Variants in VAV3 observed in about 807,000 individuals in gnomAD.
The protein encoded by VAV3 is vav guanine nucleotide exchange factor 3.
VAV3 carries 94 observed loss-of-function variants against 131.2 expected under a neutral mutation model. The ratio of observed to expected loss-of-function variants is 0.72; its 90% CI spans 0.61 to 0.85. The LOEUF (loss-of-function observed/expected upper bound fraction) is 0.85, where lower values mean the gene tolerates loss of function less well. VAV3 is among the 40% of genes least tolerant of loss of function. The probability of loss-of-function intolerance (pLI) is 0.00; values close to 1 mark genes in which losing one functional copy is unlikely to be tolerated. For missense variants in VAV3, 939 were observed against 1,002.7 expected, an observed-to-expected ratio of 0.94 and a Z score of 0.86; for synonymous variants, 349 against 342.0, an observed-to-expected ratio of 1.02 and a Z score of -0.22.
chr1:107,622,633 A>T (rs1351757346), intron 20 of VAV3, among the ~76,000 whole-genome samples: 1 of 152,196 alleles, frequency 6.6e-6, no homozygotes, highest in African/African-American at 2.4e-5. Flanking sequence ...ATTAATGGTT[A>T]TTTATGAACG....
chr1:107,964,635 G>T, intron 1 of VAV3, 31 bp downstream of exon 1: 1 of 1,602,166 alleles, frequency 6.2e-7, no homozygotes, highest in Non-Finnish European at 8.5e-7. Flanking sequence ...GCTGCCGGCT[G>T]GAGGCGGGGC....
chr1:107,744,605 CA>C (rs1375534417), intron 15 of VAV3, among the ~76,000 whole-genome samples: 1 of 152,092 alleles, frequency 6.6e-6, no homozygotes, highest in Non-Finnish European at 1.5e-5. Context: ...AACAAACAAA[CA>C]TTTTTTGCCA....
At position 107,675,553 on chromosome 1, in the gene VAV3, C is replaced by A. The variant is rs75159251; in HGVS notation, c.1777+7935G>T. On this transcript the variant is annotated intron_variant, in intron 19 of 26. Transcript: ENST00000370056. ...CAGATAAAATTTAAAAAGATCTCTC[C>A]TTCTCTTTCTTTCCTCATTACTCCT... Among the ~76,000 whole-genome samples, 1,338 of 152,200 alleles carry A rather than the reference C, an allele frequency of 8.8e-3. 11 individuals are homozygous for A. The highest frequency in any genetic ancestry group is 0.027 in the African/African-American group (1,134 of 41,542).
At chr1:107,592,013 T>C (rs915058750) in intron 25 of VAV3, among the ~76,000 whole-genome samples, 1 of 151,936 alleles carries the variant, frequency 6.6e-6, no homozygotes, top group Non-Finnish European at 1.5e-5. Flanking sequence ...TTTTATAACA[T>C]ATACAAAATA....
At chr1:107,831,503 T>A (rs1440935924) in intron 2 of VAV3, among the ~76,000 whole-genome samples, 1 of 152,204 alleles carries the variant, frequency 6.6e-6, no homozygotes. Flanking sequence ...TCTGGAATGA[T>A]CTTTTCTCTC....
intron 15 of VAV3, among the ~76,000 whole-genome samples, chr1:107,736,366 G>A (rs550929403): frequency 2.4e-3 from 362 of 152,266 alleles, no homozygotes; most frequent in East Asian, 8.3e-3. Flanking sequence ...AGGGCAATCA[G>A]GCAGGAGAAA....
chr1:107,610,776 T>G (rs12405969), intron 21 of VAV3, among the ~76,000 whole-genome samples: 18,219 of 152,218 alleles, frequency 0.12, 1,309 homozygotes, highest in South Asian at 0.25. Context: ...ATAAAGTACA[T>G]TCTATAGAGA....
At chr1:107,893,228 A>C (rs1303131877) in intron 1 of VAV3, among the ~76,000 whole-genome samples, 1 of 152,200 alleles carries the variant, frequency 6.6e-6, no homozygotes, top group South Asian at 2.1e-4. Flanking sequence ...ATAACATTTA[A>C]AATTATTTCT....
At chr1:107,861,023 A>G (rs1164926241) in intron 2 of VAV3, among the ~76,000 whole-genome samples, 1 of 151,750 alleles carries the variant, frequency 6.6e-6, no homozygotes, top group African/African-American at 2.4e-5. Context: ...CTTTATTATT[A>G]GTGATGAATC....
intron 2 of VAV3, among the ~76,000 whole-genome samples, chr1:107,827,250 G>T (rs17020141): frequency 6.6e-6 from 1 of 152,024 alleles, no homozygotes; most frequent in South Asian, 2.1e-4. Flanking sequence ...GAATGGAAAG[G>T]ACAGCACTAT....
intron 22 of VAV3, chr1:107,609,619 C>A: frequency 4.2e-6 from 1 of 235,524 alleles, no homozygotes; most frequent in Non-Finnish European, 8.1e-6. Flanking sequence ...GCATATTTTT[C>A]TCTCTGCTTT....
intron 2 of VAV3, among the ~76,000 whole-genome samples, chr1:107,834,609 T>A (rs984806008): frequency 2.6e-5 from 4 of 151,100 alleles, no homozygotes; most frequent in Admixed American, 2.0e-4. Context: ...ATGGGAGGAA[T>A]GGGGACAAGA....
intron 24 of VAV3, among the ~76,000 whole-genome samples, chr1:107,598,823 C>CACACACACAT (rs60557678): frequency 2.0e-5 from 3 of 151,760 alleles, no homozygotes; most frequent in African/African-American, 7.3e-5. Flanking sequence ...CACACACACA[C>CACACACACAT]GTATACATAA....
chr1:107,622,899 G>A (rs1230290633), intron 20 of VAV3, among the ~76,000 whole-genome samples: 1 of 152,126 alleles, frequency 6.6e-6, no homozygotes, highest in Non-Finnish European at 1.5e-5. Context: ...ATGGGCAGAT[G>A]GAAGGAAGGA....
At chr1:107,626,510 C>A (rs142536339) in intron 20 of VAV3, among the ~76,000 whole-genome samples, 1 of 152,190 alleles carries the variant, frequency 6.6e-6, no homozygotes, top group Non-Finnish European at 1.5e-5. Flanking sequence ...TCTACACTTT[C>A]ACATAGCTTT....
chr1:107,655,318 T>C (rs903500633), intron 19 of VAV3, among the ~76,000 whole-genome samples: 2 of 152,018 alleles, frequency 1.3e-5, no homozygotes, highest in Non-Finnish European at 2.9e-5. Flanking sequence ...TATAAATCCA[T>C]GCATTTACAG....
At chr1:107,649,327 G>A (rs1199492557) in intron 19 of VAV3, among the ~76,000 whole-genome samples, 1 of 152,114 alleles carries the variant, frequency 6.6e-6, no homozygotes. Flanking sequence ...GGCCAAGAGA[G>A]ACAGTCTAAA....
intron 25 of VAV3, among the ~76,000 whole-genome samples, chr1:107,587,893 G>A (rs993013513): frequency 1.3e-5 from 2 of 152,094 alleles, no homozygotes; most frequent in Admixed American, 6.6e-5. Flanking sequence ...CTGCCTGGCC[G>A]AGACCAGTTT....
At chr1:107,578,839 A>G in intron 25 of VAV3, 4 of 984,988 alleles carry the variant, frequency 4.1e-6, no homozygotes, top group Non-Finnish European at 4.8e-6. Context: ...ATTTTCAATG[A>G]AGGTAATTTA....
Sources: gnomAD v4.1 joint callset for allele counts (sites outside exome capture counted in the v4.1 genomes callset) on GRCh38, gnomAD v4.1.1 for gene constraint, MANE v1.5 for transcripts, NCBI Gene and HGNC (gene_info 2026-07-23, HGNC 2026-07-21) for gene names.